The following UGT1A10 variants were observed in gnomAD, a reference collection of about 807,000 sequenced individuals.
UGT1A10 encodes the protein UDP-glucuronosyltransferase 1A10.
Under a neutral mutation model 45.8 loss-of-function variants are expected in UGT1A10, and 49 were observed. The observed-to-expected ratio is 1.07, with a 90% CI of 0.85 to 1.36. The LOEUF (loss-of-function observed/expected upper bound fraction) is 1.36. UGT1A10 is among the 40% of genes most tolerant of loss of function. The pLI, the probability that UGT1A10 is intolerant of heterozygous loss-of-function variation, is 0.00. For synonymous variants in UGT1A10, 284 were observed against 249.7 expected (o/e 1.14, Z -1.29); for missense variants, 745 against 668.6 (o/e 1.11, Z -1.26).
chr2:233,718,961 C>T, intron 1 of UGT1A10: 1 of 1,614,218 alleles, frequency 6.2e-7, no homozygotes, highest in South Asian at 1.1e-5. Context: ...TGCGGGAGGC[C>T]TTGCGGGAGC....
At position 233,768,210 on chromosome 2, in the gene UGT1A10, T is replaced by G; in HGVS notation, c.1076-10T>G. 1 of 1,614,186 alleles carries G rather than the reference T, an allele frequency of 6.2e-7. No individual in the cohort carries two copies. The highest frequency in any genetic ancestry group is 1.1e-5 in the South Asian group (1 of 91,084). On this transcript the variant is annotated splice_polypyrimidine_tract_variant and intron_variant, in intron 3 of 4. Transcript: ENST00000344644. Reference sequence around the variant, plus strand: ...GTAACTGCTGACATCCTCCCTATTTTGCATCTCAGGTCACCCGATGACCCG... The same window carrying G: ...GTAACTGCTGACATCCTCCCTATTTGGCATCTCAGGTCACCCGATGACCCG...
chr2:233,728,196 A>G (rs1328126266), intron 1 of UGT1A10, among the ~76,000 whole-genome samples: 1 of 152,202 alleles, frequency 6.6e-6, no homozygotes, highest in East Asian at 1.9e-4. Flanking sequence ...TTGGTGCTGG[A>G]TTGACTTGGA....
intron 1 of UGT1A10, among the ~76,000 whole-genome samples, chr2:233,692,510 T>C (rs1457280263): frequency 1.3e-5 from 2 of 152,160 alleles, no homozygotes; most frequent in Non-Finnish European, 2.9e-5. Context: ...CCTTAACCTG[T>C]GGGGTCCGTG....
chr2:233,726,048 C>T (rs2077495587), intron 1 of UGT1A10, among the ~76,000 whole-genome samples: 1 of 152,078 alleles, frequency 6.6e-6, no homozygotes, highest in African/African-American at 2.4e-5. Context: ...CACCTGTGGT[C>T]CCAGCTACTC....
rs1559318939 is a variant in UGT1A10, at chr2:233,637,383, TCAC to T, written c.855+8_855+10del. Reference sequence around the variant, plus strand: ...AGGGAAAGCCATTGCCTATGGTAAGTCACCTCTCCTTTAGCACATTAAGAATAA... The same window carrying T: ...AGGGAAAGCCATTGCCTATGGTAAGTCTCTCCTTTAGCACATTAAGAATAA... On this transcript the variant is annotated splice_region_variant and intron_variant, in intron 1 of 4. Coordinates refer to ENST00000344644, the MANE Select transcript of UGT1A10 (RefSeq NM_019075.4). The T allele has an allele frequency of 3.1e-6, 5 of 1,610,652 alleles. No individual in the cohort carries two copies. In the African/African-American group the frequency reaches 6.7e-5, roughly 22 times the overall value.
At chr2:233,725,020 A>T (rs1183477973) in intron 1 of UGT1A10, among the ~76,000 whole-genome samples, 2 of 147,776 alleles carry the variant, frequency 1.4e-5, no homozygotes. Flanking sequence ...AAACAGCAAA[A>T]CCCGGTCTCC....
At chr2:233,700,043 A>T (rs2075539170) in intron 1 of UGT1A10, among the ~76,000 whole-genome samples, 1 of 152,220 alleles carries the variant, frequency 6.6e-6, no homozygotes, top group South Asian at 2.1e-4. Context: ...ATCTAAATCA[A>T]TTCCAAGTGA....
At chr2:233,682,834 T>G in intron 1 of UGT1A10, 1 of 1,552,986 alleles carries the variant, frequency 6.4e-7, no homozygotes, top group South Asian at 1.2e-5. Flanking sequence ...TAATCTGGCT[T>G]TGGAAATTAA....
At chr2:233,645,963 G>C (rs2073591655) in intron 1 of UGT1A10, among the ~76,000 whole-genome samples, 1 of 152,250 alleles carries the variant, frequency 6.6e-6, no homozygotes, top group Admixed American at 6.5e-5. Context: ...GAGGTTCTCT[G>C]TGAGGGTCCT....
chr2:233,712,992 A>G, intron 1 of UGT1A10: 1 of 1,613,364 alleles, frequency 6.2e-7, no homozygotes, highest in Non-Finnish European at 8.5e-7. Context: ...TTCTGCTGAG[A>G]TGGCCACAGG....
At chr2:233,675,756 T>A (rs1309423231) in intron 1 of UGT1A10, among the ~76,000 whole-genome samples, 1 of 152,244 alleles carries the variant, frequency 6.6e-6, no homozygotes, top group Non-Finnish European at 1.5e-5. Flanking sequence ...CTTTATTCTA[T>A]CTTTTTAAAG....
intron 1 of UGT1A10, among the ~76,000 whole-genome samples, chr2:233,730,705 A>T (rs2078064782): frequency 6.6e-6 from 1 of 152,130 alleles, no homozygotes; most frequent in South Asian, 2.1e-4. Flanking sequence ...TTCTACTTGG[A>T]ATGCTGAAAT....
At chr2:233,690,727 C>T (rs1230785523) in intron 1 of UGT1A10, 1 of 1,211,686 alleles carries the variant, frequency 8.3e-7, no homozygotes, top group South Asian at 1.5e-5. Context: ...AACAGACATG[C>T]CAGATTCCTC....
rs1379149606 is a variant in UGT1A10, at chr2:233,637,102, C to T, written c.580C>T (p.Leu194Phe). The T allele has an allele frequency of 1.9e-6, 3 of 1,613,954 alleles. No individual in the cohort carries two copies. Among genetic ancestry groups the T allele is most frequent in the South Asian group, 1.1e-5 (1 of 91,076 alleles). ...PAPLSYVPND[L>F]LGFSDAMTFK... ...TCCTCTTTCCTATGTCCCCAATGAT[C>T]TCTTAGGGTTCTCAGATGCCATGAC... The change falls in exon 1 of 5, where the codon CTC becomes TTC. Residue 194 changes from leucine (L) to phenylalanine (F), a missense_variant. By Grantham distance (22) the Leu-to-Phe change is conservative. Coordinates refer to ENST00000344644, the MANE Select transcript of UGT1A10 (RefSeq NM_019075.4).
chr2:233,767,558 C>G (rs1283373150), intron 2 of UGT1A10, among the ~76,000 whole-genome samples: 3 of 152,208 alleles, frequency 2.0e-5, no homozygotes, highest in African/African-American at 7.2e-5. Context: ...TCTGCATCCA[C>G]TTGTTTCATT....
chr2:233,772,992 CT>C lies in UGT1A10; in HGVS notation c.*434del. The C allele has an allele frequency of 1.2e-5, 3 of 257,330 alleles. No individual in the cohort carries two copies. Among genetic ancestry groups the C allele is most frequent in the South Asian group, 5.0e-5 (1 of 19,850 alleles). The allele number at this position is 257,330 out of a possible 1,614,324, so 15.9% of individuals were successfully genotyped here. Reference sequence around the variant, plus strand: ...TTAACCAATAATGGTCAGTCCTCATCTCTGTCGTGCTTCATAGGTGCCACCT... The same window carrying C: ...TTAACCAATAATGGTCAGTCCTCATCCTGTCGTGCTTCATAGGTGCCACCT... On this transcript the variant is annotated 3_prime_UTR_variant, in exon 5 of 5. Transcript: ENST00000344644.
At chr2:233,757,812 T>G (rs772268398) in intron 1 of UGT1A10, among the ~76,000 whole-genome samples, 1 of 151,794 alleles carries the variant, frequency 6.6e-6, no homozygotes, top group Non-Finnish European at 1.5e-5. Flanking sequence ...TGAAAGGAGC[T>G]GGTAGTGTGT....
chr2:233,703,357 C>T (rs1254530363), intron 1 of UGT1A10, among the ~76,000 whole-genome samples: 1 of 151,876 alleles, frequency 6.6e-6, no homozygotes, highest in Non-Finnish European at 1.5e-5. Flanking sequence ...GTTAATCTAA[C>T]TTTAGGTTTA....
rs147487099 is a variant in UGT1A10, at chr2:233,689,635, G to T, written c.855+52258G>T. Among the ~76,000 whole-genome samples, 661 of 152,290 alleles carry T rather than the reference G, an allele frequency of 4.3e-3. 6 individuals are homozygous for T. Among genetic ancestry groups the T allele is most frequent in the African/African-American group, 0.015 (631 of 41,558 alleles). ...TCGGGGTTAGCAGAAAAGAATGTTT[G>T]CTCTTGCTCATGAGTGTGACTTCCT... On this transcript the variant is annotated intron_variant, in intron 1 of 4. Transcript: ENST00000344644.
Sources: gnomAD v4.1 joint callset for allele counts (sites outside exome capture counted in the v4.1 genomes callset) on GRCh38, gnomAD v4.1.1 for gene constraint, MANE v1.5 for transcripts, NCBI Gene and HGNC (gene_info 2026-07-23, HGNC 2026-07-21) for gene names.